Variants in PAAF1 observed in about 807,000 individuals in gnomAD.
The protein encoded by PAAF1 is proteasomal ATPase associated factor 1, also known as proteasomal ATPase-associated factor 1.
In PAAF1, 46 loss-of-function variants were observed where a neutral mutation model predicts 52.8. The ratio of observed to expected loss-of-function variants is 0.87; its 90% CI spans 0.69 to 1.11. The LOEUF is 1.11. PAAF1 is among the 50% of genes most tolerant of loss of function. The pLI, the probability that PAAF1 is intolerant of heterozygous loss-of-function variation, is 0.00. For missense variants in PAAF1, 424 were observed against 477.4 expected (o/e 0.89, Z 1.04); for synonymous variants, 178 against 172.8 (o/e 1.03, Z -0.24).
intron 3 of PAAF1, chr11:73,888,696 A>C (rs1949125010): frequency 5.9e-6 from 1 of 170,192 alleles, no homozygotes; most frequent in Non-Finnish European, 1.2e-5. Flanking sequence ...AGTAGGCTAC[A>C]TGTTATTATA....
chr11:73,915,405 G>A (rs551729676), intron 8 of PAAF1, among the ~76,000 whole-genome samples: 3 of 152,092 alleles, frequency 2.0e-5, no homozygotes, highest in Non-Finnish European at 4.4e-5. Context: ...CCAGGAGTTC[G>A]AGACTGGCCT....
At chr11:73,886,637 C>T (rs1399204501) in intron 2 of PAAF1, among the ~76,000 whole-genome samples, 1 of 132,366 alleles carries the variant, frequency 7.6e-6, no homozygotes, top group Admixed American at 8.7e-5. Context: ...CACGCCACTG[C>T]ACTCCAGCCT....
chr11:73,878,700 A>G, intron 1 of PAAF1, 79 bp from the exon 2 acceptor site: 1 of 1,317,968 alleles, frequency 7.6e-7, no homozygotes, highest in Middle Eastern at 2.1e-4. Flanking sequence ...AGGTTACATG[A>G]CCTTCTTTCT....
At chr11:73,880,725 A>G (rs924505940) in intron 2 of PAAF1, 1 of 141,574 alleles carries the variant, frequency 7.1e-6, no homozygotes, top group Non-Finnish European at 1.5e-5. Flanking sequence ...AAAGCCAGGC[A>G]CAGCAGCTCA....
chr11:73,880,491 A>G (rs1423491413), intron 2 of PAAF1: 2 of 150,684 alleles, frequency 1.3e-5, no homozygotes, highest in Admixed American at 6.6e-5. Flanking sequence ...TTAAAAAAAA[A>G]AAAAAAAGCC....
intron 6 of PAAF1, among the ~76,000 whole-genome samples, chr11:73,904,038 T>G (rs1949694611): frequency 6.6e-6 from 1 of 151,234 alleles, no homozygotes; most frequent in Admixed American, 6.6e-5. Context: ...GAGCCAAGAT[T>G]GCACTACTTC....
chr11:73,906,585 G>A (rs1181260521), intron 6 of PAAF1, among the ~76,000 whole-genome samples: 2 of 152,114 alleles, frequency 1.3e-5, no homozygotes, highest in African/African-American at 4.8e-5. Flanking sequence ...GGATCTATTT[G>A]AAAAGTTACA....
intron 2 of PAAF1, 168 bp downstream of exon 2, chr11:73,878,987 G>A: frequency 2.2e-6 from 1 of 459,128 alleles, no homozygotes; most frequent in South Asian, 5.2e-5. Flanking sequence ...CATTCCAAGG[G>A]AAGGCCTTCA....
intron 2 of PAAF1, among the ~76,000 whole-genome samples, chr11:73,882,170 T>C (rs950515499): frequency 9.3e-5 from 14 of 150,588 alleles, no homozygotes; most frequent in African/African-American, 3.4e-4. Flanking sequence ...CGTGAGCCAC[T>C]GTGCCCCGCA....
intron 4 of PAAF1, among the ~76,000 whole-genome samples, chr11:73,897,459 C>G (rs1949437762): frequency 6.6e-6 from 1 of 151,606 alleles, no homozygotes; most frequent in Admixed American, 6.6e-5. Context: ...GGTCTCCTCA[C>G]TTCTCAGACG....
chr11:73,894,099 G>T (rs914316872), intron 4 of PAAF1, among the ~76,000 whole-genome samples: 3 of 152,152 alleles, frequency 2.0e-5, no homozygotes, highest in African/African-American at 7.2e-5. Context: ...CACTGTGCCT[G>T]GCCTTTATAC....
intron 4 of PAAF1, among the ~76,000 whole-genome samples, chr11:73,897,522 G>GGTGCTCCCCACATCTCAGAC (rs1298582453): frequency 1.3e-5 from 2 of 151,260 alleles, no homozygotes. Flanking sequence ...GCAGGGCAGA[G>GGTGCTCCCCACATCTCAGAC]GTGCTCCCCA....
chr11:73,911,055 A>G (rs910864456), intron 7 of PAAF1, among the ~76,000 whole-genome samples: 7 of 151,600 alleles, frequency 4.6e-5, no homozygotes, highest in African/African-American at 7.3e-5. Context: ...CCACTCACAC[A>G]TAGCCCTCCT....
intron 2 of PAAF1, among the ~76,000 whole-genome samples, chr11:73,884,708 G>A (rs1478757780): frequency 1.3e-5 from 2 of 152,068 alleles, no homozygotes; most frequent in Non-Finnish European, 1.5e-5. Flanking sequence ...TGTGAAAAGC[G>A]TCTTTACTAG....
intron 2 of PAAF1, among the ~76,000 whole-genome samples, chr11:73,882,558 T>C (rs886320285): frequency 2.6e-5 from 4 of 152,054 alleles, no homozygotes; most frequent in African/African-American, 4.8e-5. Context: ...GCGATTCTCC[T>C]GCCTCAGCCT....
chr11:73,919,001 AAGTGTC>A lies in PAAF1; in HGVS notation c.990_995del (p.Ser330_Val331del). 2 of 1,614,048 alleles carry A rather than the reference AAGTGTC, an allele frequency of 1.2e-6. No homozygotes were observed. The highest frequency in any genetic ancestry group is 1.7e-6 in the Non-Finnish European group (2 of 1,179,990). The stretch of plus-strand genomic sequence containing the variant: ...CAGGAGCACCAGTTCTATCCCTGCT[AAGTGTC>A]AGAGATGGATTCATTGCTAGCCAAG... On this transcript the variant is annotated inframe_deletion, in exon 10 of 12. Coordinates refer to ENST00000310571, the MANE Select transcript of PAAF1 (RefSeq NM_025155.3).
intron 9 of PAAF1, among the ~76,000 whole-genome samples, chr11:73,918,179 C>T (rs945889086): frequency 2.6e-5 from 4 of 152,040 alleles, no homozygotes; most frequent in Non-Finnish European, 4.4e-5. Flanking sequence ...TTTCAGGAGT[C>T]TATGACAGGT....
chr11:73,881,221 C>T (rs1387472537), intron 2 of PAAF1, among the ~76,000 whole-genome samples: 4 of 152,102 alleles, frequency 2.6e-5, no homozygotes, highest in African/African-American at 9.7e-5. Flanking sequence ...AGCAAAACAT[C>T]AACTGGGGTT....
chr11:73,882,382 A>G (rs891805537), intron 2 of PAAF1, among the ~76,000 whole-genome samples: 1 of 145,622 alleles, frequency 6.9e-6, no homozygotes, highest in Non-Finnish European at 1.5e-5. Flanking sequence ...AATGATGTCA[A>G]CTCTTAAGGA....
Sources: allele counts gnomAD v4.1 joint callset (sites outside exome capture counted in the v4.1 genomes callset), GRCh38; gene constraint gnomAD v4.1.1; transcripts MANE v1.5; gene names NCBI Gene and HGNC (gene_info 2026-07-23, HGNC 2026-07-21).